Variants in PRKAR1B observed in about 807,000 individuals in gnomAD.
PRKAR1B encodes the protein protein kinase cAMP-dependent type I regulatory subunit beta, also known as cAMP-dependent protein kinase type I-beta regulatory subunit.
Under a neutral mutation model 46.5 loss-of-function variants are expected in PRKAR1B, and 22 were observed. The ratio of observed to expected loss-of-function variants is 0.47; its 90% CI spans 0.34 to 0.68. The LOEUF (loss-of-function observed/expected upper bound fraction) is 0.68, where lower values mean the gene tolerates loss of function less well. PRKAR1B is among the 30% of genes least tolerant of loss of function. The probability of loss-of-function intolerance (pLI) is 0.01; values close to 1 mark genes in which losing one functional copy is unlikely to be tolerated. For missense variants in PRKAR1B, 445 were observed against 535.6 expected (o/e 0.83, Z 1.67); for synonymous variants, 259 against 217.7 (o/e 1.19, Z -1.67).
chr7:712,130 G>T (rs1021129030), intron 1 of PRKAR1B, among the ~76,000 whole-genome samples: 1 of 151,424 alleles, frequency 6.6e-6, no homozygotes, highest in Non-Finnish European at 1.5e-5. Flanking sequence ...AGGCCAGGCC[G>T]GCACCGCACC....
intron 7 of PRKAR1B, among the ~76,000 whole-genome samples, chr7:591,401 G>A (rs1440720240): frequency 2.6e-5 from 4 of 152,194 alleles, no homozygotes; most frequent in East Asian, 1.9e-4. Context: ...TCAAGCCCAC[G>A]GCACGGGGAG....
upstream of PRKAR1B, among the ~76,000 whole-genome samples, chr7:728,597 G>A (rs1781448423): frequency 6.6e-6 from 1 of 152,176 alleles, no homozygotes; most frequent in Non-Finnish European, 1.5e-5. Context: ...AGAATTCCTG[G>A]CATTTAATGT....
chr7:554,895 T>C (rs1336660906), intron 9 of PRKAR1B, among the ~76,000 whole-genome samples: 1 of 152,200 alleles, frequency 6.6e-6, no homozygotes, highest in Non-Finnish European at 1.5e-5. Flanking sequence ...GCCCATTTCA[T>C]GGCTCGGAGG....
intron 6 of PRKAR1B, among the ~76,000 whole-genome samples, chr7:604,460 C>A (rs1201783116): frequency 6.6e-6 from 1 of 152,200 alleles, no homozygotes; most frequent in Non-Finnish European, 1.5e-5. Context: ...AAAGGTCTGC[C>A]CCAGAGGCCC....
intron 4 of PRKAR1B, among the ~76,000 whole-genome samples, chr7:633,360 T>C (rs1395222510): frequency 6.6e-6 from 1 of 152,128 alleles, no homozygotes; most frequent in Non-Finnish European, 1.5e-5. Flanking sequence ...AGGAAGGGGC[T>C]CTGTGCACAG....
chr7:715,616 G>A (rs988590060), intron 1 of PRKAR1B, among the ~76,000 whole-genome samples: 7 of 152,098 alleles, frequency 4.6e-5, no homozygotes, highest in Non-Finnish European at 1.0e-4. Flanking sequence ...TCTAAGCCCT[G>A]TGGGGTCTTA....
chr7:607,346 T>C, intron 5 of PRKAR1B, 45 bp downstream of exon 5: 1 of 1,557,342 alleles, frequency 6.4e-7, no homozygotes, highest in Non-Finnish European at 8.8e-7. Flanking sequence ...GCATAGTCCA[T>C]TTTTCCCCTC....
At chr7:598,162 C>T (rs1781373522) in intron 6 of PRKAR1B, among the ~76,000 whole-genome samples, 1 of 151,670 alleles carries the variant, frequency 6.6e-6, no homozygotes, top group South Asian at 2.1e-4. Flanking sequence ...CCTCCAGCAC[C>T]CTCCAGACTA....
rs1219967051 is a variant in PRKAR1B at position 678,393 on chromosome 7, G to A, written c.349-1073C>T. Among the ~76,000 whole-genome samples, 6 of 152,328 alleles carry A rather than the reference G, an allele frequency of 3.9e-5. No homozygotes were observed. In the East Asian group the frequency reaches 5.8e-4, roughly 15 times the overall value. On this transcript the variant is annotated intron_variant, in intron 3 of 10. Coordinates refer to ENST00000537384, the MANE Select transcript of PRKAR1B (RefSeq NM_001164760.2). ...ACCAAAACGTGGTCATGTAGTGTGT[G>A]CCTGTATGCAGTACACTGTTACTGG...
rs575066540 is a variant in PRKAR1B at position 688,972 on chromosome 7, A to C, written c.178-8246T>G. Among the ~76,000 whole-genome samples, 20 of 152,364 alleles carry C rather than the reference A, an allele frequency of 1.3e-4. No individual in the cohort carries two copies. In the South Asian group the frequency reaches 3.5e-3, roughly 27 times the overall value. On this transcript the variant is annotated intron_variant, in intron 2 of 10. Transcript: ENST00000537384. ...CAAGATCATGTGATCAAAAATCAAG[A>C]GAAGCAACAGACAATACAAAGAGAT...
At chr7:675,371 C>G (rs563178224) in intron 4 of PRKAR1B, among the ~76,000 whole-genome samples, 1 of 152,328 alleles carries the variant, frequency 6.6e-6, no homozygotes, top group Admixed American at 6.5e-5. Context: ...GCTGGAGCCC[C>G]CACCAGACCA....
At chr7:596,017 CA>C (rs1781249552) in intron 7 of PRKAR1B, 128 bp downstream of exon 7, 2 of 1,217,448 alleles carry the variant, frequency 1.6e-6, no homozygotes, top group Non-Finnish European at 2.3e-6. Context: ...TCTCACAGGC[CA>C]GATCTGTCAG....
intron 7 of PRKAR1B, among the ~76,000 whole-genome samples, chr7:595,790 G>A (rs1336577218): frequency 1.3e-5 from 2 of 152,198 alleles, no homozygotes; most frequent in African/African-American, 4.8e-5. Context: ...CCACCGTGTC[G>A]GCAGGGAACC....
chr7:647,622 C>G (rs1256193378), intron 4 of PRKAR1B, among the ~76,000 whole-genome samples: 1 of 151,702 alleles, frequency 6.6e-6, no homozygotes, highest in East Asian at 1.9e-4. Context: ...CTGGCTAACA[C>G]AGTGAAACCC....
Position 560,285 on chromosome 7 carries a change from G to A in PRKAR1B, c.892-8815C>T, listed in dbSNP as rs751881528. 1.5e-4 allele frequency among the ~76,000 whole-genome samples: 22 copies of A among 151,648 alleles called. No individual in the cohort carries two copies. The highest frequency in any genetic ancestry group is 2.6e-4 in the Admixed American group (4 of 15,230). ...TCCCCAGCCAGGCAGAATCACAAGCGATTAAACCTCTTTTCTTTATAAATT... is the reference window on the plus strand; with the variant it reads ...TCCCCAGCCAGGCAGAATCACAAGCAATTAAACCTCTTTTCTTTATAAATT... On this transcript the variant is annotated intron_variant, in intron 9 of 10. Transcript: ENST00000537384. The surrounding 1 kb of genome is among the most constrained non-coding windows in gnomAD (Gnocchi z 4.2).
chr7:709,561 G>T (rs1049354751), intron 2 of PRKAR1B, among the ~76,000 whole-genome samples: 11 of 151,948 alleles, frequency 7.2e-5, no homozygotes, highest in Non-Finnish European at 1.2e-4. Context: ...TAGTAGAGAC[G>T]CGGTTTCACT....
intron 4 of PRKAR1B, among the ~76,000 whole-genome samples, chr7:632,262 C>G (rs148908010): frequency 3.3e-5 from 5 of 152,162 alleles, no homozygotes; most frequent in African/African-American, 1.2e-4. Flanking sequence ...CCCAGCAGCT[C>G]GGCCCCTGCA....
intron 5 of PRKAR1B, 62 bp from the exon 6 acceptor site, chr7:606,301 C>G (rs539416999): frequency 6.5e-7 from 1 of 1,536,246 alleles, no homozygotes. Flanking sequence ...GTTACAGTTT[C>G]TCTTGCAAAC....
intron 4 of PRKAR1B, among the ~76,000 whole-genome samples, chr7:610,260 G>A (rs1782398372): frequency 6.6e-6 from 1 of 152,210 alleles, no homozygotes; most frequent in African/African-American, 2.4e-5. Context: ...AAAGGCAGGG[G>A]TGGGCTGAAA....
Sources: allele counts gnomAD v4.1 joint callset (sites outside exome capture counted in the v4.1 genomes callset), GRCh38; gene constraint gnomAD v4.1.1; non-coding constraint Gnocchi (gnomAD v3.1); transcripts MANE v1.5; gene names NCBI Gene and HGNC (gene_info 2026-07-23, HGNC 2026-07-21).